ZNF385D: variants seen among roughly 807,000 people sequenced by gnomAD.
ZNF385D encodes the protein zinc finger protein 659.
Under a neutral mutation model 35.8 loss-of-function variants are expected in ZNF385D, and 15 were observed. That is an observed-to-expected ratio of 0.42 (90% CI 0.28 to 0.64). ZNF385D has a LOEUF of 0.64. Among genes scored for constraint, ZNF385D ranks in the 30% least tolerant of loss-of-function variants. The pLI, the probability that ZNF385D is intolerant of heterozygous loss-of-function variation, is 0.23. For synonymous variants in ZNF385D, 212 were observed against 186.8 expected (o/e 1.13, Z -1.10); for missense variants, 474 against 494.6 (o/e 0.96, Z 0.39).
chr3:22,189,430 A>G (rs541652188), intron 2 of ZNF385D, among the ~76,000 whole-genome samples: 1 of 152,156 alleles, frequency 6.6e-6, no homozygotes, highest in Non-Finnish European at 1.5e-5. Context: ...ATACCTTGAG[A>G]TCTTATATAA....
At chr3:21,947,749 T>C (rs563810927) in intron 3 of ZNF385D, among the ~76,000 whole-genome samples, 2 of 152,320 alleles carry the variant, frequency 1.3e-5, no homozygotes, top group Admixed American at 1.3e-4. Flanking sequence ...TCTGTATTTT[T>C]GTTGATACAC....
At chr3:22,352,005 A>G (rs190198512) in intron 2 of ZNF385D, among the ~76,000 whole-genome samples, 219 of 152,276 alleles carry the variant, frequency 1.4e-3, no homozygotes, top group Admixed American at 2.6e-3. Flanking sequence ...CATGTAGCCA[A>G]CATAAAAGGG....
intron 3 of ZNF385D, among the ~76,000 whole-genome samples, chr3:21,929,228 T>A: frequency 6.6e-6 from 1 of 152,032 alleles, no homozygotes; most frequent in East Asian, 1.9e-4. Flanking sequence ...GAAAACCACA[T>A]GATTCTTTAG....
At chr3:21,439,676 A>G (rs923728988) in intron 4 of ZNF385D, among the ~76,000 whole-genome samples, 4 of 152,210 alleles carry the variant, frequency 2.6e-5, no homozygotes, top group Non-Finnish European at 5.9e-5. Flanking sequence ...CATAGAATAA[A>G]CAAAACCAGG....
At chr3:21,963,348 A>G (rs1702703311) in intron 3 of ZNF385D, among the ~76,000 whole-genome samples, 1 of 152,284 alleles carries the variant, frequency 6.6e-6, no homozygotes, top group Middle Eastern at 3.4e-3. Flanking sequence ...TACTTAGTCT[A>G]CTTTTTCAGA....
chr3:21,908,054 T>A (rs1699769947), intron 3 of ZNF385D, among the ~76,000 whole-genome samples: 1 of 152,096 alleles, frequency 6.6e-6, no homozygotes, highest in Admixed American at 6.6e-5. Flanking sequence ...TTTAAAACAT[T>A]ACTGATAGTA....
chr3:21,810,721 G>A (rs2072880491), intron 3 of ZNF385D, among the ~76,000 whole-genome samples: 2 of 151,946 alleles, frequency 1.3e-5, no homozygotes, highest in Admixed American at 1.3e-4. Flanking sequence ...AACATTTTAT[G>A]TAATTATTAA....
At chr3:22,045,239 G>A (rs1297057094) in intron 3 of ZNF385D, among the ~76,000 whole-genome samples, 1 of 151,942 alleles carries the variant, frequency 6.6e-6, no homozygotes, top group African/African-American at 2.4e-5. Context: ...TTATATTTAA[G>A]TCTTTGATCC....
intron 2 of ZNF385D, among the ~76,000 whole-genome samples, chr3:22,222,253 G>T (rs1358636732): frequency 6.6e-6 from 1 of 151,880 alleles, no homozygotes; most frequent in Non-Finnish European, 1.5e-5. Context: ...ACAGGCATGA[G>T]CCACGTCCGG....
At chr3:21,880,862 T>C (rs1367338946) in intron 3 of ZNF385D, among the ~76,000 whole-genome samples, 1 of 151,958 alleles carries the variant, frequency 6.6e-6, no homozygotes, top group Non-Finnish European at 1.5e-5. Flanking sequence ...ACAGCCTTAT[T>C]GCTGATACGA....
intron 3 of ZNF385D, among the ~76,000 whole-genome samples, chr3:22,090,074 G>C (rs77097861): frequency 1.3e-5 from 2 of 152,064 alleles, no homozygotes; most frequent in Non-Finnish European, 2.9e-5. Flanking sequence ...TCCTGACCTT[G>C]TGATCTACTT....
chr3:22,249,423 T>G (rs17011098), intron 2 of ZNF385D, among the ~76,000 whole-genome samples: 6,310 of 152,152 alleles, frequency 0.041, 281 homozygotes, highest in African/African-American at 0.11. Context: ...AGCACGAGGG[T>G]CTCTTAAGCA....
chr3:21,460,844 G>A (rs1392731021), intron 4 of ZNF385D, among the ~76,000 whole-genome samples: 1 of 152,066 alleles, frequency 6.6e-6, no homozygotes, highest in East Asian at 1.9e-4. Flanking sequence ...ACTAGTCCCT[G>A]GAAGACTCAA....
At chr3:22,204,926 A>C (rs1337317945) in intron 2 of ZNF385D, among the ~76,000 whole-genome samples, 3 of 149,498 alleles carry the variant, frequency 2.0e-5, no homozygotes, top group Admixed American at 6.7e-5. Flanking sequence ...AGAGAGAGAG[A>C]GCCTGGGGTA....
Position 21,664,810 on chromosome 3 carries a change from C to T in ZNF385D, c.165+76G>A, listed in dbSNP as rs116788658. On this transcript the variant is annotated intron_variant, in intron 2 of 7. Coordinates refer to ENST00000281523, the MANE Select transcript of ZNF385D (RefSeq NM_024697.3). ...CAATATAGCAAAATGGAGGCAGTGG[C>T]CGAACCAACCCTGGCCTTTAAGTTA... 1.6e-3 allele frequency: 2,481 copies of T among 1,595,444 alleles called. 40 individuals carry two copies. In the African/African-American group the frequency reaches 0.03, roughly 20 times the overall value.
At chr3:21,950,850 G>T (rs907511936) in intron 3 of ZNF385D, among the ~76,000 whole-genome samples, 1 of 151,528 alleles carries the variant, frequency 6.6e-6, no homozygotes, top group African/African-American at 2.4e-5. Context: ...AAAATCCAAT[G>T]GTTGTAGATT....
In ZNF385D at chr3:22,167,961, C is replaced by T. The variant is rs529760940; in HGVS notation, c.325+856G>A. Among the ~76,000 whole-genome samples the T allele has an allele frequency of 2.6e-5, 4 of 152,230 alleles. No individual in the cohort carries two copies. The South Asian group carries it at 8.3e-4, about 32-fold the overall frequency. Reference sequence around the variant, plus strand: ...AAGCAATTTCTACTTTAAGAATGTACTTTTATTTTTCTTCTCATCATTTGG... The same window carrying T: ...AAGCAATTTCTACTTTAAGAATGTATTTTTATTTTTCTTCTCATCATTTGG... On this transcript the variant is annotated intron_variant, in intron 3 of 5. Coordinates refer to the ZNF385D transcript ENST00000494108.
At chr3:22,357,284 G>A (rs1159999064) in intron 2 of ZNF385D, among the ~76,000 whole-genome samples, 1 of 151,882 alleles carries the variant, frequency 6.6e-6, no homozygotes, top group Non-Finnish European at 1.5e-5. Context: ...AGTAATAAAT[G>A]CAGTAAGAAA....
intron 1 of ZNF385D, among the ~76,000 whole-genome samples, chr3:21,702,206 C>T (rs1196916869): frequency 2.6e-5 from 4 of 152,234 alleles, no homozygotes; most frequent in Admixed American, 2.6e-4. Flanking sequence ...AATATATCTT[C>T]TGAAATCTAG....
Sources: gnomAD v4.1 joint callset for allele counts (sites outside exome capture counted in the v4.1 genomes callset) on GRCh38, gnomAD v4.1.1 for gene constraint, MANE v1.5 for transcripts, NCBI Gene and HGNC (gene_info 2026-07-23, HGNC 2026-07-21) for gene names.